ABCB1: variants seen among roughly 807,000 people sequenced by gnomAD.
ABCB1 encodes the protein ATP-dependent translocase ABCB1.
Under a neutral mutation model 142.0 loss-of-function variants are expected in ABCB1, and 69 were observed. That is an observed-to-expected ratio of 0.49 (90% confidence interval 0.40 to 0.59). The LOEUF is 0.59. Among genes scored for constraint, ABCB1 ranks in the 20% least tolerant of loss-of-function variants. The pLI, the probability that ABCB1 is intolerant of heterozygous loss-of-function variation, is 0.00. For missense variants in ABCB1, 1,326 were observed against 1,554.7 expected, an observed-to-expected ratio of 0.85 and a Z score of 2.47; for synonymous variants, 532 against 539.2, an observed-to-expected ratio of 0.99 and a Z score of 0.18.
In ABCB1 at chr7:87,531,190, T is replaced by C. The variant is rs191687958; in HGVS notation, c.2685+104A>G. On this transcript the variant is annotated intron_variant, in intron 21 of 27. Coordinates refer to ENST00000622132, the MANE Select transcript of ABCB1 (RefSeq NM_001348946.2). ...AAAAGATTGCTTTGAGGAATGGTTATAAACACATTCTTAGAGCATAGTAAG... is the reference window on the plus strand; with the variant it reads ...AAAAGATTGCTTTGAGGAATGGTTACAAACACATTCTTAGAGCATAGTAAG... 1,306 of 1,045,908 alleles carry C rather than the reference T, an allele frequency of 1.2e-3. 5 individuals are homozygous for C. Among genetic ancestry groups the C allele is most frequent in the Non-Finnish European group, 1.2e-3 (810 of 678,594 alleles). The allele number at this position is 1,045,908 out of a possible 1,614,324, so 64.8% of individuals were successfully genotyped here.
chr7:87,549,292 T>C, intron 14 of ABCB1, 56 bp downstream of exon 14: 2 of 1,603,722 alleles, frequency 1.2e-6, no homozygotes, highest in South Asian at 1.1e-5. Flanking sequence ...CAAGAATTAG[T>C]AGTAGAATGT....
At chr7:87,514,260 C>A (rs1815136861) in intron 25 of ABCB1, among the ~76,000 whole-genome samples, 1 of 152,194 alleles carries the variant, frequency 6.6e-6, no homozygotes. Context: ...TGGTCAGTGT[C>A]CATGCTGTTC....
intron 1 of ABCB1, among the ~76,000 whole-genome samples, chr7:87,621,788 A>T (rs2130098006): frequency 6.6e-6 from 1 of 152,236 alleles, no homozygotes; most frequent in East Asian, 1.9e-4. Context: ...CTATCCAAAA[A>T]AAGTTGTTGT....
At chr7:87,512,780 C>T (rs1815073851) in intron 25 of ABCB1, among the ~76,000 whole-genome samples, 1 of 152,192 alleles carries the variant, frequency 6.6e-6, no homozygotes, top group South Asian at 2.1e-4. Context: ...GGCAGTATTT[C>T]CAAGCCCTAG....
At chr7:87,520,448 T>G (rs930412928) in intron 22 of ABCB1, among the ~76,000 whole-genome samples, 1 of 152,104 alleles carries the variant, frequency 6.6e-6, no homozygotes, top group African/African-American at 2.4e-5. Context: ...GTACCTCAAA[T>G]TTCAGGTTCC....
chr7:87,587,625 A>T (rs1041259484), intron 3 of ABCB1, among the ~76,000 whole-genome samples: 5 of 152,158 alleles, frequency 3.3e-5, no homozygotes, highest in African/African-American at 9.7e-5. Context: ...TAATCCCAGC[A>T]CTTTGGGAGG....
At chr7:87,651,022 A>ATTT in intron 1 of ABCB1, 1 of 744,454 alleles carries the variant, frequency 1.3e-6, no homozygotes, top group Non-Finnish European at 2.3e-6. Context: ...AGTCTGTGTG[A>ATTT]CTTAGATAGC....
chr7:87,640,928 T>C (rs1458417317), intron 1 of ABCB1, among the ~76,000 whole-genome samples: 1 of 152,208 alleles, frequency 6.6e-6, no homozygotes, highest in African/African-American at 2.4e-5. Context: ...TTTACCTATG[T>C]ACTTCATTTC....
chr7:87,567,702 T>G (rs1432643116), intron 5 of ABCB1, among the ~76,000 whole-genome samples: 1 of 152,188 alleles, frequency 6.6e-6, no homozygotes, highest in Non-Finnish European at 1.5e-5. Context: ...CAATTTAAAT[T>G]CTAGCATTAA....
At chr7:87,556,740 C>G (rs547682333) in intron 8 of ABCB1, among the ~76,000 whole-genome samples, 1 of 152,292 alleles carries the variant, frequency 6.6e-6, no homozygotes, top group South Asian at 2.1e-4. Flanking sequence ...GACAAACAAT[C>G]TGAAAACATA....
intron 1 of ABCB1, among the ~76,000 whole-genome samples, chr7:87,638,092 TTC>T (rs1419638623): frequency 2.6e-5 from 4 of 152,162 alleles, no homozygotes; most frequent in East Asian, 1.9e-4. Context: ...AACGTGATTT[TTC>T]TCTCTTTTGT....
At position 87,515,313 on chromosome 7, in the gene ABCB1, G is replaced by A. The variant is rs780279896; in HGVS notation, c.3200C>T (p.Ala1067Val). ...CCCACAGCCACTGCTGCCCACCAGAGCCAGCGTCTGGCCCTTCTTCACCTC... is the reference window on the plus strand; with the variant it reads ...CCCACAGCCACTGCTGCCCACCAGAACCAGCGTCTGGCCCTTCTTCACCTC... ...SLEVKKGQTL[A>V]LVGSSGCGKS... The change falls in exon 25 of 28, where the codon GCT becomes GTT. Residue 1067 changes from alanine to valine, a missense_variant. Coordinates refer to ENST00000622132, the MANE Select transcript of ABCB1 (RefSeq NM_001348946.2). 6.2e-7 allele frequency: 1 copy of A among 1,614,206 alleles called. No homozygotes were observed.
At chr7:87,537,553 AG>A (rs1411250585) in intron 19 of ABCB1, among the ~76,000 whole-genome samples, 1 of 152,172 alleles carries the variant, frequency 6.6e-6, no homozygotes, top group Non-Finnish European at 1.5e-5. Context: ...TTACTGATAT[AG>A]GGGAAGAGTG....
intron 24 of ABCB1, among the ~76,000 whole-genome samples, chr7:87,515,847 T>C (rs1277771737): frequency 6.6e-6 from 1 of 152,154 alleles, no homozygotes. Flanking sequence ...TCCACCCACC[T>C]TGGCCTCCCA....
rs905609755 is a variant in ABCB1 at position 87,524,469 on chromosome 7, C to A, written c.2686-3593G>T. 3.9e-5 allele frequency among the ~76,000 whole-genome samples: 6 copies of A among 152,014 alleles called. 1 individual carries two copies. The highest frequency in any genetic ancestry group is 4.1e-4 in the South Asian group (2 of 4,822). On this transcript the variant is annotated intron_variant, in intron 21 of 27. Transcript: ENST00000622132. ...GACACATTAGAACCATCATTCTCAG[C>A]AAACTATCGCAAGGACAAAAAACCA... is the stretch of plus-strand genomic sequence containing the variant.
chr7:87,530,542 T>C (rs1002805872), intron 21 of ABCB1, among the ~76,000 whole-genome samples: 1 of 151,498 alleles, frequency 6.6e-6, no homozygotes, highest in African/African-American at 2.4e-5. Flanking sequence ...ACATAAGCAT[T>C]TGTTAAATAA....
At chr7:87,541,323 T>C (rs1816523665) in intron 18 of ABCB1, 34 bp downstream of exon 18, 14 of 1,348,580 alleles carry the variant, frequency 1.0e-5, no homozygotes, top group Non-Finnish European at 1.4e-5. Flanking sequence ...GATGCATTTC[T>C]CAAAATGAAT....
At chr7:87,667,310 T>C (rs1266240442) in intron 1 of ABCB1, among the ~76,000 whole-genome samples, 1 of 152,148 alleles carries the variant, frequency 6.6e-6, no homozygotes, top group Non-Finnish European at 1.5e-5. Context: ...TGTATAGGAA[T>C]GCTAGTGATT....
chr7:87,711,960 C>T (rs559445085), intron 1 of ABCB1, among the ~76,000 whole-genome samples: 8 of 152,236 alleles, frequency 5.3e-5, no homozygotes, highest in Admixed American at 2.0e-4. Context: ...TCTCTGAGAT[C>T]TTAACTTCCA....
Sources: gnomAD v4.1 joint callset for allele counts (sites outside exome capture counted in the v4.1 genomes callset) on GRCh38, gnomAD v4.1.1 for gene constraint, MANE v1.5 for transcripts, NCBI Gene and HGNC (gene_info 2026-07-23, HGNC 2026-07-21) for gene names.